The following UPP2 variants were observed in gnomAD, a reference collection of about 807,000 sequenced individuals.
UPP2 encodes the protein uridine phosphorylase 2, also known as UPase 2.
Under a neutral mutation model 26.7 loss-of-function variants are expected in UPP2, and 23 were observed. That is an observed-to-expected ratio of 0.86 (90% CI 0.62 to 1.22). UPP2 has a LOEUF of 1.22. Among genes scored for constraint, UPP2 ranks in the 50% most tolerant of loss-of-function variants. UPP2 has a pLI of 0.00. For synonymous variants in UPP2, 127 were observed against 141.3 expected (o/e 0.90, Z 0.72); for missense variants, 387 against 396.7 (o/e 0.98, Z 0.21).
rs368207768 is a variant in UPP2, at chr2:157,995,829, GT to G, written c.61+577del. Among the ~76,000 whole-genome samples, 389 of 151,498 alleles carry G rather than the reference GT, an allele frequency of 2.6e-3. 3 individuals are homozygous for G. The highest frequency in any genetic ancestry group is 8.9e-3 in the African/African-American group (367 of 41,302). ...ATGGTTTTGAAAAAAAGCTATAATA[GT>G]TTTTTTGGTCATTTAAATGATTTCC... is the stretch of plus-strand genomic sequence containing the variant. On this transcript the variant is annotated intron_variant, in intron 2 of 9. Transcript: ENST00000605860.
chr2:158,094,097 A>G (rs1682952303), intron 3 of UPP2, among the ~76,000 whole-genome samples: 1 of 151,824 alleles, frequency 6.6e-6, no homozygotes, highest in Non-Finnish European at 1.5e-5. Context: ...GTTATTAAGT[A>G]CATACTTATA....
At chr2:158,043,530 G>T (rs1191099297) in intron 3 of UPP2, among the ~76,000 whole-genome samples, 3 of 152,204 alleles carry the variant, frequency 2.0e-5, no homozygotes, top group Non-Finnish European at 4.4e-5. Flanking sequence ...GGAGGAAAGA[G>T]AGGAAGTGCA....
chr2:158,119,052 A>G (rs1683503655), intron 4 of UPP2, among the ~76,000 whole-genome samples: 1 of 152,088 alleles, frequency 6.6e-6, no homozygotes, highest in Non-Finnish European at 1.5e-5. Flanking sequence ...AGTTTATCCA[A>G]CAATACCCCA....
At chr2:157,997,488 C>A (rs1015549500) in intron 2 of UPP2, among the ~76,000 whole-genome samples, 9 of 152,124 alleles carry the variant, frequency 5.9e-5, no homozygotes, top group Non-Finnish European at 1.2e-4. Context: ...TTAGCAAATT[C>A]TTCTGTTTAT....
intron 6 of UPP2, chr2:158,127,929 C>T (rs1304112992): frequency 1.1e-6 from 1 of 888,362 alleles, no homozygotes; most frequent in Non-Finnish European, 1.3e-6. Context: ...TCTCCTATCA[C>T]TTTATAATAT....
chr2:158,027,377 T>C (rs942026066), intron 3 of UPP2, among the ~76,000 whole-genome samples: 2 of 152,144 alleles, frequency 1.3e-5, no homozygotes, highest in Admixed American at 1.3e-4. Context: ...AAGTCCGAAA[T>C]CCAGCGGGGC....
At chr2:158,020,641 G>A (rs1328953907) in intron 3 of UPP2, among the ~76,000 whole-genome samples, 2 of 152,214 alleles carry the variant, frequency 1.3e-5, no homozygotes, top group Non-Finnish European at 2.9e-5. Context: ...AGCAGGGATG[G>A]AAATCCTCCA....
intron 2 of UPP2, among the ~76,000 whole-genome samples, chr2:157,999,164 T>TTTGTTG (rs370281626): frequency 8.6e-5 from 13 of 152,012 alleles, no homozygotes; most frequent in African/African-American, 2.4e-4. Flanking sequence ...TTTGGGTCTT[T>TTTGTTG]TTGTTGTTGT....
intron 6 of UPP2, among the ~76,000 whole-genome samples, chr2:158,131,562 T>C (rs187016179): frequency 3.3e-5 from 5 of 152,180 alleles, no homozygotes; most frequent in East Asian, 1.9e-4. Context: ...TCCCAAAGGG[T>C]TGACAATTAC....
intron 2 of UPP2, among the ~76,000 whole-genome samples, chr2:158,013,880 A>T (rs188844808): frequency 1.2e-3 from 184 of 152,296 alleles, no homozygotes; most frequent in African/African-American, 4.3e-3. Context: ...GTGTTTACGT[A>T]GGAAAATCAC....
At chr2:158,124,372 G>C (rs1163705940) in intron 6 of UPP2, among the ~76,000 whole-genome samples, 1 of 152,178 alleles carries the variant, frequency 6.6e-6, no homozygotes, top group African/African-American at 2.4e-5. Context: ...GAGAATTGGA[G>C]GAACAGGGAA....
intron 6 of UPP2, among the ~76,000 whole-genome samples, 178 bp downstream of exon 6, chr2:158,124,073 T>C (rs1683636346): frequency 6.6e-6 from 1 of 152,220 alleles, no homozygotes; most frequent in Non-Finnish European, 1.5e-5. Context: ...ACATTATTCT[T>C]ATTATGCAAA....
chr2:158,070,450 C>G (rs183684796), intron 3 of UPP2, among the ~76,000 whole-genome samples: 1 of 152,328 alleles, frequency 6.6e-6, no homozygotes, highest in East Asian at 1.9e-4. Context: ...TAACTGAGAA[C>G]AAGAAAAGCT....
At chr2:158,045,092 T>C (rs1329342) in intron 3 of UPP2, among the ~76,000 whole-genome samples, 96,114 of 152,066 alleles carry the variant, frequency 0.63, 31,335 homozygotes, top group East Asian at 0.83. Context: ...ATATTCTTTG[T>C]AGGTTAAGCC....
At chr2:158,073,611 A>G (rs1050612998) in intron 3 of UPP2, among the ~76,000 whole-genome samples, 6 of 152,320 alleles carry the variant, frequency 3.9e-5, no homozygotes, top group African/African-American at 1.4e-4. Flanking sequence ...GAAACAACAT[A>G]CAAAGGAGCT....
chr2:158,101,749 G>T, upstream of UPP2: 1 of 807,674 alleles, frequency 1.2e-6, no homozygotes, highest in Non-Finnish European at 1.6e-6. Flanking sequence ...TAGTTAACAA[G>T]CTAACCAACC....
At chr2:157,999,046 G>GAGT (rs1316060810) in intron 2 of UPP2, among the ~76,000 whole-genome samples, 2 of 152,068 alleles carry the variant, frequency 1.3e-5, no homozygotes, top group East Asian at 3.9e-4. Flanking sequence ...GTTTCATTTT[G>GAGT]AGTAGTTTCT....
chr2:158,032,782 T>C (rs1683942818), intron 3 of UPP2, among the ~76,000 whole-genome samples: 1 of 152,156 alleles, frequency 6.6e-6, no homozygotes, highest in Non-Finnish European at 1.5e-5. Flanking sequence ...TCCAGGTTAT[T>C]GAAGTAAATC....
chr2:158,116,182 G>A (rs553171659), intron 3 of UPP2, among the ~76,000 whole-genome samples: 4 of 152,306 alleles, frequency 2.6e-5, no homozygotes, highest in East Asian at 1.9e-4. Context: ...GGCCAAGAGC[G>A]CCTGAAACCT....
Sources: gnomAD v4.1 joint callset for allele counts (sites outside exome capture counted in the v4.1 genomes callset) on GRCh38, gnomAD v4.1.1 for gene constraint, MANE v1.5 for transcripts, NCBI Gene and HGNC (gene_info 2026-07-23, HGNC 2026-07-21) for gene names.